CAP2: variants seen among roughly 807,000 people sequenced by gnomAD.
CAP2 encodes adenylyl cyclase-associated protein 2.
CAP2 carries 24 observed loss-of-function variants against 57.7 expected under a neutral mutation model. The ratio of observed to expected loss-of-function variants is 0.42; its 90% CI spans 0.30 to 0.58. The LOEUF (loss-of-function observed/expected upper bound fraction) is 0.58. CAP2 is among the 20% of genes least tolerant of loss of function. CAP2 has a pLI of 0.22. For synonymous variants in CAP2, 194 were observed against 207.2 expected, an observed-to-expected ratio of 0.94 and a Z score of 0.55; for missense variants, 501 against 590.3, an observed-to-expected ratio of 0.85 and a Z score of 1.57.
intron 1 of CAP2, among the ~76,000 whole-genome samples, chr6:17,403,758 A>C (rs1250892760): frequency 6.6e-6 from 1 of 152,216 alleles, no homozygotes; most frequent in Non-Finnish European, 1.5e-5. Context: ...ATATAAGTTC[A>C]AGGAGAAAAT....
At chr6:17,413,806 C>G (rs1002236565) in intron 1 of CAP2, among the ~76,000 whole-genome samples, 1 of 152,162 alleles carries the variant, frequency 6.6e-6, no homozygotes, top group African/African-American at 2.4e-5. Context: ...GTAATCCCAG[C>G]ACTTTGGGAG....
intron 11 of CAP2, among the ~76,000 whole-genome samples, chr6:17,549,507 T>C (rs1403693378): frequency 6.6e-6 from 1 of 151,930 alleles, no homozygotes; most frequent in Admixed American, 6.6e-5. Context: ...AACAATCTGA[T>C]AGAAAAATGG....
intron 9 of CAP2, 91 bp downstream of exon 9, chr6:17,541,239 T>G: frequency 1.1e-6 from 1 of 937,584 alleles, no homozygotes; most frequent in Non-Finnish European, 1.6e-6. Flanking sequence ...AAGGATTTCT[T>G]TTTTTTAATT....
chr6:17,408,451 G>A (rs1759046996), intron 1 of CAP2, among the ~76,000 whole-genome samples: 2 of 152,036 alleles, frequency 1.3e-5, no homozygotes, highest in South Asian at 2.1e-4. Context: ...CTGCCCTCAT[G>A]ACCCAAACAC....
chr6:17,402,249 G>A (rs1309578107), intron 1 of CAP2, among the ~76,000 whole-genome samples: 2 of 152,142 alleles, frequency 1.3e-5, no homozygotes, highest in Non-Finnish European at 2.9e-5. Context: ...CTTGTGAAAA[G>A]CGTATGTCTA....
intron 3 of CAP2, among the ~76,000 whole-genome samples, chr6:17,432,517 C>T (rs576395024): frequency 7.9e-5 from 12 of 152,124 alleles, no homozygotes; most frequent in Non-Finnish European, 1.3e-4. Context: ...ATTGCAAGCC[C>T]GAAGAATCTG....
chr6:17,428,526 G>T (rs1759646155), intron 3 of CAP2, among the ~76,000 whole-genome samples: 2 of 151,490 alleles, frequency 1.3e-5, no homozygotes, highest in South Asian at 2.1e-4. Flanking sequence ...ATAAAGTTGT[G>T]GTTTGGGGCT....
At chr6:17,398,149 C>A (rs571054199) in intron 1 of CAP2, among the ~76,000 whole-genome samples, 9 of 152,212 alleles carry the variant, frequency 5.9e-5, no homozygotes, top group Non-Finnish European at 1.0e-4. Flanking sequence ...CCCGGTCACT[C>A]ACGGACATCT....
At chr6:17,508,384 C>A (rs1198812414) in intron 6 of CAP2, among the ~76,000 whole-genome samples, 1 of 152,132 alleles carries the variant, frequency 6.6e-6, no homozygotes, top group Non-Finnish European at 1.5e-5. Flanking sequence ...TAGGCCCAAA[C>A]GGAGACATGG....
At chr6:17,416,656 T>C (rs1759283179) in intron 1 of CAP2, among the ~76,000 whole-genome samples, 1 of 152,206 alleles carries the variant, frequency 6.6e-6, no homozygotes, top group Admixed American at 6.5e-5. Flanking sequence ...TAGAGTCATG[T>C]TATTTAGACA....
At chr6:17,527,593 C>CTTTT (rs763371158) in intron 7 of CAP2, among the ~76,000 whole-genome samples, 1 of 91,176 alleles carries the variant, frequency 1.1e-5, no homozygotes. Context: ...TTTTTGTTCT[C>CTTTT]TTTCTTTTTT....
At chr6:17,411,715 G>A (rs1030649192) in intron 1 of CAP2, among the ~76,000 whole-genome samples, 2 of 152,226 alleles carry the variant, frequency 1.3e-5, no homozygotes, top group African/African-American at 2.4e-5. Flanking sequence ...CTTGATGGAG[G>A]GAGAATGGTT....
intron 4 of CAP2, among the ~76,000 whole-genome samples, chr6:17,477,376 A>C (rs1343244220): frequency 6.6e-6 from 1 of 152,178 alleles, no homozygotes; most frequent in Non-Finnish European, 1.5e-5. Flanking sequence ...GTTACCCTAA[A>C]CTTAGTTGTT....
At position 17,513,186 on chromosome 6, in the gene CAP2, TA is replaced by T. The variant is rs1355368477; in HGVS notation, c.531-659del. Reference sequence around the variant, plus strand: ...AGCATTTTACTAGCCCTTGGTTCAATAAAATAGAGATAAAAATACTGGTGAT... The same window carrying T: ...AGCATTTTACTAGCCCTTGGTTCAATAAATAGAGATAAAAATACTGGTGAT... On this transcript the variant is annotated intron_variant, in intron 6 of 12. Transcript: ENST00000229922. This position sits in a 1 kb window ranked among gnomAD's most constrained non-coding sequence, Gnocchi z 4.3. Among the ~76,000 whole-genome samples, 7 of 152,194 alleles carry T rather than the reference TA, an allele frequency of 4.6e-5. No homozygotes were observed. The highest frequency in any genetic ancestry group is 1.7e-4 in the African/African-American group (7 of 41,454).
intron 4 of CAP2, among the ~76,000 whole-genome samples, chr6:17,483,447 G>A (rs1032529130): frequency 2.0e-5 from 3 of 152,118 alleles, no homozygotes; most frequent in African/African-American, 4.8e-5. Flanking sequence ...ATGAAGGAGC[G>A]GCATTGGTGT....
chr6:17,413,841 G>T (rs1163801604), intron 1 of CAP2, among the ~76,000 whole-genome samples: 1 of 152,174 alleles, frequency 6.6e-6, no homozygotes, highest in East Asian at 1.9e-4. Context: ...ATCACATGAG[G>T]TCAGGAGTTC....
intron 4 of CAP2, among the ~76,000 whole-genome samples, chr6:17,474,967 C>G (rs1171083304): frequency 6.6e-6 from 1 of 151,976 alleles, no homozygotes; most frequent in South Asian, 2.1e-4. Context: ...GAGGCCGAGG[C>G]GGGCGGATCA....
At chr6:17,406,795 A>G (rs13213887) in intron 1 of CAP2, among the ~76,000 whole-genome samples, 33,119 of 152,002 alleles carry the variant, frequency 0.22, 4,188 homozygotes, top group South Asian at 0.29. Context: ...AAATGCAAAC[A>G]AAACCCAAAA....
intron 4 of CAP2, among the ~76,000 whole-genome samples, chr6:17,491,928 T>A (rs60902787): frequency 0.039 from 5,990 of 152,326 alleles, 362 homozygotes; most frequent in African/African-American, 0.14. Context: ...CACAGGACTC[T>A]CAGATTTCTG....
Sources: allele counts gnomAD v4.1 joint callset (sites outside exome capture counted in the v4.1 genomes callset), GRCh38; gene constraint gnomAD v4.1.1; non-coding constraint Gnocchi (gnomAD v3.1); transcripts MANE v1.5; gene names NCBI Gene and HGNC (gene_info 2026-07-23, HGNC 2026-07-21).